FHOD3: variants seen among roughly 807,000 people sequenced by gnomAD.
FHOD3 encodes the protein formin homology 2 domain containing 3, also known as FH1/FH2 domain-containing protein 3.
A neutral mutation model predicts 173.0 loss-of-function variants in FHOD3; 90 were observed. The ratio of observed to expected loss-of-function variants is 0.52; its 90% CI spans 0.44 to 0.62. FHOD3 has a LOEUF of 0.62. Among genes scored for constraint, FHOD3 ranks in the 20% least tolerant of loss-of-function variants. The pLI, the probability that FHOD3 is intolerant of heterozygous loss-of-function variation, is 0.00. For missense variants in FHOD3, 1,945 were observed against 2,034.7 expected, an observed-to-expected ratio of 0.96 and a Z score of 0.85; for synonymous variants, 828 against 823.0, an observed-to-expected ratio of 1.01 and a Z score of -0.10.
intron 1 of FHOD3, among the ~76,000 whole-genome samples, chr18:36,300,623 C>T (rs530066121): frequency 1.3e-4 from 20 of 152,242 alleles, no homozygotes; most frequent in African/African-American, 4.6e-4. Flanking sequence ...TTCTGTGCAG[C>T]GAGCGCATTC....
At chr18:36,569,059 C>A (rs1379080160) in intron 5 of FHOD3, among the ~76,000 whole-genome samples, 1 of 151,988 alleles carries the variant, frequency 6.6e-6, no homozygotes, top group Non-Finnish European at 1.5e-5. Context: ...ATGAAAGATA[C>A]AATAACCAAA....
chr18:36,297,797 C>G lies in FHOD3; in HGVS notation c.-39C>G. 6.8e-6 allele frequency: 10 copies of G among 1,474,366 alleles called. No individual in the cohort carries two copies. The highest frequency in any genetic ancestry group is 9.0e-6 in the Non-Finnish European group (10 of 1,108,600). 91.3% of individuals were successfully genotyped at this position (1,474,366 alleles called of 1,614,324 possible). A position where few individuals can be genotyped will look rare whatever the true frequency, so the allele number is the denominator to read the frequency against. On this transcript the variant is annotated 5_prime_UTR_variant, in exon 1 of 29. Coordinates refer to ENST00000590592, the MANE Select transcript of FHOD3 (RefSeq NM_001281740.3). ...CCGGGCGTCCCGGCCCGCGGCCCCG[C>G]TAACCCCGGGGCCCGCGCCCCCGCG...
intron 14 of FHOD3, among the ~76,000 whole-genome samples, chr18:36,672,974 C>G (rs934642640): frequency 5.3e-5 from 8 of 151,996 alleles, no homozygotes; most frequent in Non-Finnish European, 1.0e-4. Context: ...TTAATCTCTC[C>G]TATTTGTCTT....
chr18:36,647,463 A>G (rs1451024514), intron 10 of FHOD3, among the ~76,000 whole-genome samples: 1 of 152,208 alleles, frequency 6.6e-6, no homozygotes, highest in Non-Finnish European at 1.5e-5. Flanking sequence ...AGATCTTGGC[A>G]AGAATGTAAA....
At chr18:36,690,386 G>A (rs2038886253) in intron 16 of FHOD3, among the ~76,000 whole-genome samples, 1 of 152,178 alleles carries the variant, frequency 6.6e-6, no homozygotes, top group Admixed American at 6.5e-5. Flanking sequence ...AGGAGGCTCT[G>A]TCGGTCTGTG....
Position 36,769,403 on chromosome 18 carries a change from G to A in FHOD3, c.4763G>A (p.Arg1588Gln), listed in dbSNP as rs754966761. The part of the protein sequence containing the change: ...SQRVVPRERK[R>Q]SRANRKSLRR... The stretch of plus-strand genomic sequence containing the variant: ...CGAGTGGTGCCGAGGGAGAGGAAAC[G>A]ATCCCGGGCCAACCGGAAATCTTGT... Residue 1588 changes from arginine to glutamine, a missense_variant, in exon 28 of 29, where the codon CGA becomes CAA. Arg to Gln is a conservative substitution (Grantham distance 43). Coordinates refer to ENST00000590592, the MANE Select transcript of FHOD3 (RefSeq NM_001281740.3). The A allele has an allele frequency of 4.3e-6, 7 of 1,614,154 alleles. No homozygotes were observed. Among genetic ancestry groups the A allele is most frequent in the South Asian group, 1.1e-5 (1 of 91,082 alleles).
chr18:36,460,913 C>T (rs2052510386), intron 3 of FHOD3, among the ~76,000 whole-genome samples: 3 of 152,110 alleles, frequency 2.0e-5, no homozygotes, highest in Admixed American at 2.0e-4. Flanking sequence ...GTGAGGTCTC[C>T]CTGGAACCCA....
In FHOD3 at chr18:36,334,617, A is replaced by G. The variant is rs188255428; in HGVS notation, c.166-20922A>G. ...TCAAGGGTGTTTTGGGCTGAGCTCA[A>G]TCTTGATTCGGTGATCAGAATGTCT... On this transcript the variant is annotated intron_variant, in intron 1 of 28. Transcript: ENST00000590592. Among the ~76,000 whole-genome samples the G allele has an allele frequency of 4.0e-4, 61 of 152,290 alleles. No homozygotes were observed. The East Asian group carries it at 7.9e-3, about 20-fold the overall frequency.
At chr18:36,527,913 C>G (rs1454285632) in intron 5 of FHOD3, among the ~76,000 whole-genome samples, 1 of 152,196 alleles carries the variant, frequency 6.6e-6, no homozygotes, top group East Asian at 1.9e-4. Context: ...ACCCTTTGTC[C>G]TACCCTTTCC....
At chr18:36,645,435 A>C (rs914229456) in intron 10 of FHOD3, among the ~76,000 whole-genome samples, 2 of 152,142 alleles carry the variant, frequency 1.3e-5, no homozygotes, top group East Asian at 1.9e-4. Flanking sequence ...CTCAAAAAAA[A>C]AGGAAGGATG....
At chr18:36,446,363 G>T (rs1415691952) in intron 3 of FHOD3, among the ~76,000 whole-genome samples, 2 of 151,502 alleles carry the variant, frequency 1.3e-5, no homozygotes, top group African/African-American at 4.9e-5. Context: ...AACTGCTTTA[G>T]ATCTATGTAT....
At position 36,652,917 on chromosome 18, in the gene FHOD3, A is replaced by T. The variant is rs1459364133; in HGVS notation, c.1634A>T (p.Gln545Leu). Residue 545 changes from glutamine (Q) to leucine (L), a missense_variant, in exon 12 of 29, where the codon CAG becomes CTG. This residue lies in a region of FHOD3 where 1,099 missense variants were observed against 1,051.2 expected (regional missense o/e 1.05). Transcript: ENST00000590592. ...LSTKEKEAES[Q>L]KENSSSDSFS... ...ACCAAGGAGAAGGAAGCAGAGTCCC[A>T]GAAGGAAAACAGGTAGATTTGCTCA... The T allele has an allele frequency of 6.5e-7, 1 of 1,531,972 alleles. No homozygotes were observed. The highest frequency in any genetic ancestry group is 1.7e-4 in the Middle Eastern group (1 of 5,964). The allele number at this position is 1,531,972 out of a possible 1,614,324, so 94.9% of individuals were successfully genotyped here. A position where few individuals can be genotyped will look rare whatever the true frequency, so the allele number is the denominator to read the frequency against.
chr18:36,393,302 T>G (rs1438182510), intron 3 of FHOD3, among the ~76,000 whole-genome samples: 1 of 152,226 alleles, frequency 6.6e-6, no homozygotes, highest in Non-Finnish European at 1.5e-5. Context: ...TTCTGGACAC[T>G]TTCTCTTTCC....
chr18:36,300,601 C>T (rs1407451122), intron 1 of FHOD3, among the ~76,000 whole-genome samples: 2 of 152,148 alleles, frequency 1.3e-5, no homozygotes, highest in Admixed American at 1.3e-4. Flanking sequence ...CTGGTATTGA[C>T]AAGAAGTGGA....
rs1045011713 is a variant in FHOD3, at chr18:36,744,257, A to G, written c.4041+64A>G. The G allele has an allele frequency of 1.3e-6, 2 of 1,539,502 alleles. 1 individual carries two copies. Among genetic ancestry groups the G allele is most frequent in the Middle Eastern group, 4.2e-4 (2 of 4,810 alleles). ...TGCAGCCACGGGATCTTTATCGGTCATCCTCGAGGAACACGAGCCCTATTA... is the reference window on the plus strand; with the variant it reads ...TGCAGCCACGGGATCTTTATCGGTCGTCCTCGAGGAACACGAGCCCTATTA... On this transcript the variant is annotated intron_variant, in intron 23 of 28. Transcript: ENST00000590592.
chr18:36,624,885 A>G (rs530964025), intron 9 of FHOD3, among the ~76,000 whole-genome samples: 1 of 152,320 alleles, frequency 6.6e-6, no homozygotes, highest in East Asian at 1.9e-4. Context: ...GCTTCTGGTA[A>G]AACTACAGGC....
chr18:36,380,646 G>A (rs1395573344), intron 3 of FHOD3, among the ~76,000 whole-genome samples: 1 of 58,696 alleles, frequency 1.7e-5, no homozygotes, highest in Non-Finnish European at 3.2e-5. Flanking sequence ...TCCTTTCTCT[G>A]TATCTCTTTC....
chr18:36,331,920 G>A (rs1461550053), intron 1 of FHOD3, among the ~76,000 whole-genome samples: 1 of 152,118 alleles, frequency 6.6e-6, no homozygotes, highest in East Asian at 1.9e-4. Flanking sequence ...GTGGGCGGGT[G>A]GACTAGAGCA....
intron 1 of FHOD3, among the ~76,000 whole-genome samples, chr18:36,352,216 A>T (rs903117628): frequency 1.3e-5 from 2 of 152,194 alleles, no homozygotes; most frequent in African/African-American, 4.8e-5. Context: ...GTTCAAGACC[A>T]GCCTGCGCAA....
Sources: allele counts gnomAD v4.1 joint callset (sites outside exome capture counted in the v4.1 genomes callset), GRCh38; gene constraint gnomAD v4.1.1; regional missense constraint gnomAD v4.1.1; transcripts MANE v1.5; gene names NCBI Gene and HGNC (gene_info 2026-07-23, HGNC 2026-07-21).